INPP4B: variants seen among roughly 807,000 people sequenced by gnomAD.
INPP4B encodes inositol polyphosphate 4-phosphatase type II.
INPP4B carries 55 observed loss-of-function variants against 122.5 expected under a neutral mutation model. That is an observed-to-expected ratio of 0.45 (90% confidence interval 0.36 to 0.56). INPP4B has a LOEUF of 0.56. Ranked by LOEUF, INPP4B falls within the 20% of genes least tolerant of loss-of-function variation. INPP4B has a pLI of 0.00. For synonymous variants in INPP4B, 403 were observed against 388.7 expected (o/e 1.04, Z -0.43); for missense variants, 1,000 against 1,097.7 (o/e 0.91, Z 1.26).
At chr4:142,466,210 T>C (rs561406304) in intron 2 of INPP4B, among the ~76,000 whole-genome samples, 24 of 152,262 alleles carry the variant, frequency 1.6e-4, no homozygotes, top group African/African-American at 4.3e-4. Context: ...TAGAGACTGG[T>C]TAAATGGTTG....
intron 2 of INPP4B, among the ~76,000 whole-genome samples, chr4:142,489,601 C>T (rs1031793058): frequency 6.6e-6 from 1 of 152,068 alleles, no homozygotes; most frequent in African/African-American, 2.4e-5. Flanking sequence ...ACCCTGTTGG[C>T]CAGGCTGGTC....
intron 1 of INPP4B, among the ~76,000 whole-genome samples, chr4:142,796,220 G>A (rs980634372): frequency 6.6e-6 from 1 of 151,996 alleles, no homozygotes; most frequent in Non-Finnish European, 1.5e-5. Context: ...ATGAATTAAG[G>A]AGAAGTAAAC....
chr4:142,436,475 C>T (rs577033170), intron 3 of INPP4B, among the ~76,000 whole-genome samples: 43 of 152,296 alleles, frequency 2.8e-4, no homozygotes, highest in Non-Finnish European at 4.7e-4. Context: ...CAAGGGTCAT[C>T]AGACACCCTA....
At chr4:142,212,782 T>A (rs1359755312) in intron 12 of INPP4B, among the ~76,000 whole-genome samples, 1 of 151,906 alleles carries the variant, frequency 6.6e-6, no homozygotes, top group Admixed American at 6.6e-5. Context: ...GTAGTGCAAA[T>A]ACCACAAGTG....
chr4:142,509,481 G>A (rs994824318), intron 2 of INPP4B, among the ~76,000 whole-genome samples: 61 of 151,826 alleles, frequency 4.0e-4, no homozygotes, highest in African/African-American at 1.5e-3. Context: ...TGCAGTGTTT[G>A]GTTTTCTGTT....
chr4:142,722,319 G>C (rs1475632490), intron 2 of INPP4B, among the ~76,000 whole-genome samples: 1 of 152,124 alleles, frequency 6.6e-6, no homozygotes, highest in African/African-American at 2.4e-5. Context: ...GAAGAAAGCA[G>C]ACCAGACATT....
chr4:142,697,637 A>T (rs963711730), intron 2 of INPP4B, among the ~76,000 whole-genome samples: 3 of 152,202 alleles, frequency 2.0e-5, no homozygotes, highest in Non-Finnish European at 4.4e-5. Context: ...TGGCCAAAGC[A>T]TATACTGGAA....
chr4:142,481,935 C>A (rs1300548903), intron 2 of INPP4B, among the ~76,000 whole-genome samples: 1 of 152,116 alleles, frequency 6.6e-6, no homozygotes, highest in Non-Finnish European at 1.5e-5. Flanking sequence ...ATTTATTGGA[C>A]AATGCAGCTA....
chr4:142,160,602 C>T (rs879242599), intron 16 of INPP4B, 41 bp from the exon 17 acceptor site: 1 of 1,463,536 alleles, frequency 6.8e-7, no homozygotes, highest in Non-Finnish European at 9.4e-7. Flanking sequence ...CCTTGGTAGG[C>T]ATCTCAGCAT....
chr4:142,843,777 T>G (rs1401284238), intron 1 of INPP4B, among the ~76,000 whole-genome samples: 1 of 152,108 alleles, frequency 6.6e-6, no homozygotes, highest in African/African-American at 2.4e-5. Context: ...TAAGATCAGT[T>G]AGCAGGTTTT....
intron 2 of INPP4B, among the ~76,000 whole-genome samples, chr4:142,692,349 T>C (rs780765933): frequency 2.6e-5 from 4 of 152,210 alleles, no homozygotes; most frequent in African/African-American, 7.2e-5. Context: ...TTAATAATTT[T>C]CCACCTTCTA....
At chr4:142,245,773 T>C (rs551600782) in intron 11 of INPP4B, among the ~76,000 whole-genome samples, 6 of 141,406 alleles carry the variant, frequency 4.2e-5, no homozygotes, top group Admixed American at 2.8e-4. Context: ...TATATGTGTG[T>C]ATATATATAT....
At chr4:142,559,229 G>A (rs1180448301) in intron 2 of INPP4B, among the ~76,000 whole-genome samples, 2 of 152,136 alleles carry the variant, frequency 1.3e-5, no homozygotes, top group African/African-American at 2.4e-5. Flanking sequence ...TGGACTAATA[G>A]GGTCATAAAA....
intron 2 of INPP4B, among the ~76,000 whole-genome samples, chr4:142,543,826 T>A (rs1829219894): frequency 6.6e-6 from 1 of 152,116 alleles, no homozygotes; most frequent in Non-Finnish European, 1.5e-5. Context: ...TCCTTATAAA[T>A]ATATTTTACA....
rs1235626466 is a variant in INPP4B, at chr4:142,380,293, C to T, written c.372+22645G>A. Reference sequence around the variant, plus strand: ...TTCCCTGGGGCTTCATCAAGTATTGCAAATGGCTGTCACTTTCTTCCTCTT... The same window carrying T: ...TTCCCTGGGGCTTCATCAAGTATTGTAAATGGCTGTCACTTTCTTCCTCTT... On this transcript the variant is annotated intron_variant, in intron 7 of 25. Transcript: ENST00000262992. Among the ~76,000 whole-genome samples, 4 of 152,274 alleles carry T rather than the reference C, an allele frequency of 2.6e-5. No homozygotes were observed. The South Asian group carries it at 8.3e-4, about 32-fold the overall frequency.
chr4:142,638,828 G>T (rs1749741826), intron 2 of INPP4B, among the ~76,000 whole-genome samples: 1 of 152,122 alleles, frequency 6.6e-6, no homozygotes, highest in Non-Finnish European at 1.5e-5. Flanking sequence ...TTACAGGCAT[G>T]AGCCACCATG....
intron 2 of INPP4B, among the ~76,000 whole-genome samples, chr4:142,656,954 C>A (rs1395018091): frequency 1.3e-5 from 2 of 152,176 alleles, no homozygotes; most frequent in Non-Finnish European, 2.9e-5. Flanking sequence ...GTTTGTGTTG[C>A]AAGCCTCCAT....
chr4:142,723,308 T>C (rs1316089606), intron 2 of INPP4B, among the ~76,000 whole-genome samples: 1 of 152,112 alleles, frequency 6.6e-6, no homozygotes, highest in East Asian at 1.9e-4. Flanking sequence ...ATTACAGTCA[T>C]GAAATTTTCT....
At chr4:142,758,827 C>G (rs1770876719) in intron 1 of INPP4B, among the ~76,000 whole-genome samples, 1 of 151,832 alleles carries the variant, frequency 6.6e-6, no homozygotes, top group Non-Finnish European at 1.5e-5. Context: ...GCAGTGTACA[C>G]TTGTAGTTCC....
Sources: gnomAD v4.1 joint callset for allele counts (sites outside exome capture counted in the v4.1 genomes callset) on GRCh38, gnomAD v4.1.1 for gene constraint, MANE v1.5 for transcripts, NCBI Gene and HGNC (gene_info 2026-07-23, HGNC 2026-07-21) for gene names.